CEP15: variants seen among roughly 807,000 people sequenced by gnomAD.
The protein encoded by CEP15 is centrosomal protein 15 kDa.
the CEP15 span, among the ~76,000 whole-genome samples, chr3:62,330,788 A>AT: frequency 0.012 from 1,890 of 152,286 alleles, 39 homozygotes; most frequent in African/African-American, 0.043. Context: ...CTGAGCTTCC[A>AT]TAAATATATG....
chr3:62,322,008 C>G, the CEP15 span: 2 of 1,610,222 alleles, frequency 1.2e-6, no homozygotes, highest in Non-Finnish European at 1.7e-6. The surrounding 1 kb of genome is among the most constrained non-coding windows in gnomAD (Gnocchi z 5.5). Context: ...CATCTCAACT[C>G]CAAACTGTTG....
At chr3:62,333,300 C>T in the CEP15 span, 5 of 1,611,322 alleles carry the variant, frequency 3.1e-6, no homozygotes, top group African/African-American at 6.7e-5. This position sits in a 1 kb window ranked among gnomAD's most constrained non-coding sequence, Gnocchi z 4.0. Context: ...CAAATGGGAA[C>T]AGTTTCTTTT....
At chr3:62,328,799 G>A in the CEP15 span, among the ~76,000 whole-genome samples, 82 of 152,034 alleles carry the variant, frequency 5.4e-4, no homozygotes, top group African/African-American at 2.0e-3. Flanking sequence ...TGTATGGGAC[G>A]CAGTCCTTAC....
the CEP15 span, chr3:62,319,085 C>T: frequency 6.6e-6 from 1 of 152,330 alleles, no homozygotes; most frequent in African/African-American, 2.4e-5. Context: ...GGGTGGGTGC[C>T]CTGACTGCCT....
At chr3:62,321,199 A>G in the CEP15 span, among the ~76,000 whole-genome samples, 1 of 152,304 alleles carries the variant, frequency 6.6e-6, no homozygotes. The surrounding 1 kb of genome is among the most constrained non-coding windows in gnomAD (Gnocchi z 4.1). Flanking sequence ...TCTTTTAATC[A>G]TCTTACATAT....
At chr3:62,333,403 T>C in the CEP15 span, 2 of 1,605,000 alleles carry the variant, frequency 1.2e-6, no homozygotes, top group African/African-American at 1.3e-5. This position sits in a 1 kb window ranked among gnomAD's most constrained non-coding sequence, Gnocchi z 4.0. Flanking sequence ...CTTCACATGC[T>C]ATTTCAAAAA....
chr3:62,319,923 G>A, the CEP15 span: 2 of 152,412 alleles, frequency 1.3e-5, no homozygotes, highest in South Asian at 2.1e-4. Flanking sequence ...GGAAGGGGAA[G>A]GTATCTATCT....
chr3:62,329,304 A>G, the CEP15 span, among the ~76,000 whole-genome samples: 1 of 152,316 alleles, frequency 6.6e-6, no homozygotes, highest in East Asian at 1.9e-4. Context: ...TCCAGTAGGA[A>G]TAAGATGAGC....
chr3:62,324,190 G>A, the CEP15 span: 1 of 152,040 alleles, frequency 6.6e-6, no homozygotes, highest in South Asian at 2.1e-4. Context: ...AGGAGTTCAG[G>A]ACCAGCCTGA....
the CEP15 span, chr3:62,336,199 CTT>C: frequency 6.6e-6 from 1 of 151,672 alleles, no homozygotes; most frequent in Non-Finnish European, 1.5e-5. The surrounding 1 kb of genome is among the most constrained non-coding windows in gnomAD (Gnocchi z 4.4). Flanking sequence ...CAAAATTAAA[CTT>C]ATTTTGAGAT....
the CEP15 span, chr3:62,331,424 A>G: frequency 3.8e-6 from 6 of 1,582,188 alleles, no homozygotes; most frequent in Non-Finnish European, 5.2e-6. Context: ...GAACAAATGT[A>G]AAAAGAGAGA....
the CEP15 span, chr3:62,320,474 G>T: frequency 6.2e-7 from 1 of 1,611,656 alleles, no homozygotes; most frequent in South Asian, 1.1e-5. Flanking sequence ...GATTAAAGAT[G>T]ACTTCCTTGT....
At chr3:62,327,565 C>T in the CEP15 span, among the ~76,000 whole-genome samples, 39 of 152,234 alleles carry the variant, frequency 2.6e-4, no homozygotes, top group African/African-American at 9.1e-4. Context: ...GGCTGTCTCT[C>T]ATTTTGGAAC....
At chr3:62,332,827 T>C in the CEP15 span, among the ~76,000 whole-genome samples, 1 of 152,146 alleles carries the variant, frequency 6.6e-6, no homozygotes, top group Non-Finnish European at 1.5e-5. Flanking sequence ...ATGTTAATCC[T>C]GAAGCATGAT....
chr3:62,320,327 T>G, the CEP15 span: 1 of 578,126 alleles, frequency 1.7e-6, no homozygotes, highest in Non-Finnish European at 3.0e-6. Flanking sequence ...TTTCATTTTA[T>G]ACATTATTAC....
chr3:62,326,092 G>C, the CEP15 span, among the ~76,000 whole-genome samples: 1 of 151,568 alleles, frequency 6.6e-6, no homozygotes, highest in Non-Finnish European at 1.5e-5. Context: ...GAGTAAGCTG[G>C]ACAAACACTC....
chr3:62,334,765 A>G, the CEP15 span: 12 of 152,316 alleles, frequency 7.9e-5, no homozygotes, highest in Admixed American at 2.0e-4. This position sits in a 1 kb window ranked among gnomAD's most constrained non-coding sequence, Gnocchi z 4.9. Context: ...ATACCTTCTC[A>G]AGAATGTTCT....
the CEP15 span, chr3:62,335,701 C>T: frequency 6.6e-6 from 1 of 152,036 alleles, no homozygotes; most frequent in Non-Finnish European, 1.5e-5. Flanking sequence ...CTCCATTGTA[C>T]TCCACCACTC....
the CEP15 span, chr3:62,322,216 A>T: frequency 1.6e-6 from 1 of 639,432 alleles, no homozygotes; most frequent in South Asian, 2.3e-5. The surrounding 1 kb of genome is among the most constrained non-coding windows in gnomAD (Gnocchi z 5.5). Flanking sequence ...GATAAGTAGC[A>T]TATGTATCCT....
Sources: allele counts gnomAD v4.1 joint callset (sites outside exome capture counted in the v4.1 genomes callset), GRCh38; gene constraint gnomAD v4.1.1; non-coding constraint Gnocchi (gnomAD v3.1); transcripts MANE v1.5; gene names NCBI Gene and HGNC (gene_info 2026-07-23, HGNC 2026-07-21).